The following GLI3 variants were observed in gnomAD, a reference collection of about 807,000 sequenced individuals.
GLI3 encodes the protein GLI family zinc finger 3, also known as transcription activator GLI3.
In GLI3, 20 loss-of-function variants were observed where a neutral mutation model predicts 100.8. The observed-to-expected ratio is 0.20, with a 90% CI of 0.14 to 0.29. GLI3 has a LOEUF of 0.29. GLI3 is among the 10% of genes least tolerant of loss of function. GLI3 has a pLI of 1.00. For synonymous variants in GLI3, 938 were observed against 860.5 expected, an observed-to-expected ratio of 1.09 and a Z score of -1.58; for missense variants, 2,040 against 2,128.5, an observed-to-expected ratio of 0.96 and a Z score of 0.82.
Position 42,134,344 on chromosome 7 carries a change from G to A in GLI3, c.367+13882C>T, listed in dbSNP as rs10274308. Among the ~76,000 whole-genome samples the A allele has an allele frequency of 3.7e-3, 562 of 152,158 alleles. 5 individuals carry two copies. Among genetic ancestry groups the A allele is most frequent in the African/African-American group, 0.013 (534 of 41,522 alleles). On this transcript the variant is annotated intron_variant, in intron 3 of 14. Coordinates refer to ENST00000395925, the MANE Select transcript of GLI3 (RefSeq NM_000168.6). Reference sequence around the variant, plus strand: ...TGTATGAGAAACATCTAGCGTTAACGACCAAAAGCTGAACGATTCATGTCC... The same window carrying A: ...TGTATGAGAAACATCTAGCGTTAACAACCAAAAGCTGAACGATTCATGTCC...
At chr7:42,062,678 A>G (rs566782240) in intron 4 of GLI3, among the ~76,000 whole-genome samples, 18 of 150,348 alleles carry the variant, frequency 1.2e-4, no homozygotes, top group African/African-American at 4.2e-4. Context: ...TTGCTTGGAT[A>G]AGAGAGAAGG....
intron 10 of GLI3, among the ~76,000 whole-genome samples, chr7:42,008,558 CT>C (rs1325663102): frequency 6.6e-6 from 1 of 152,180 alleles, no homozygotes; most frequent in African/African-American, 2.4e-5. Flanking sequence ...ATCCTCCAGC[CT>C]CAGCCTCCCA....
rs148096260 is a variant in GLI3 at position 42,223,552 on chromosome 7, C to T, written c.-42-257G>A. Among the ~76,000 whole-genome samples the T allele has an allele frequency of 4.1e-3, 628 of 152,274 alleles. 9 individuals are homozygous for T. Among genetic ancestry groups the T allele is most frequent in the African/African-American group, 0.015 (604 of 41,536 alleles). ...GTACTTTTCCCAAATCCCTACTGAG[C>T]GTTTGGTATCAAACGGTATAAAAAT... On this transcript the variant is annotated intron_variant, in intron 1 of 14. Coordinates refer to ENST00000395925, the MANE Select transcript of GLI3 (RefSeq NM_000168.6).
chr7:42,082,383 T>C (rs539755473), intron 3 of GLI3, among the ~76,000 whole-genome samples: 67 of 152,248 alleles, frequency 4.4e-4, no homozygotes, highest in African/African-American at 1.6e-3. Context: ...TTGCAATTCC[T>C]GCCTATGGAT....
chr7:41,993,713 C>G (rs1026314286), intron 10 of GLI3, among the ~76,000 whole-genome samples: 1 of 152,140 alleles, frequency 6.6e-6, no homozygotes, highest in Non-Finnish European at 1.5e-5. Context: ...TTGAAAACAA[C>G]AAGCTTTGGA....
At chr7:42,054,325 T>C (rs908971555) in intron 4 of GLI3, among the ~76,000 whole-genome samples, 4 of 152,174 alleles carry the variant, frequency 2.6e-5, no homozygotes, top group Non-Finnish European at 5.9e-5. Flanking sequence ...TCTTACTAGG[T>C]TACTAAAATG....
chr7:42,032,501 CTACTA>C (rs1048578425), intron 7 of GLI3, among the ~76,000 whole-genome samples: 2 of 152,030 alleles, frequency 1.3e-5, no homozygotes, highest in Admixed American at 1.3e-4. Context: ...TTTATTTACC[CTACTA>C]TACATATAGG....
chr7:42,151,690 T>A (rs1241717184), intron 2 of GLI3: 1 of 152,166 alleles, frequency 6.6e-6, no homozygotes. Context: ...TTCACTAAAA[T>A]CTTTCAGGAA....
At chr7:42,033,947 C>G (rs1789367179) in intron 7 of GLI3, among the ~76,000 whole-genome samples, 1 of 152,186 alleles carries the variant, frequency 6.6e-6, no homozygotes, top group African/African-American at 2.4e-5. Flanking sequence ...TACATTTAGG[C>G]ATATGCTCTC....
rs1358129244 is a variant in GLI3 at position 41,967,704 on chromosome 7, T to A, written c.2323A>T (p.Met775Leu). ...ARRNPAGTKW[M>L]EHVKLERLKQ... ...AGCCTTTCTAGTTTTACGTGCTCCA[T>A]CCATTTGGTCCCTGCCGGGTTTCTC... The change falls in exon 14 of 15, where the codon ATG (methionine) becomes TTG (leucine). Residue 775 changes from methionine to leucine, a missense_variant. Physicochemically the swap from Met to Leu is conservative, Grantham distance 15. Transcript: ENST00000395925. The A allele has an allele frequency of 6.2e-6, 10 of 1,614,054 alleles. No individual in the cohort carries two copies. Among genetic ancestry groups the A allele is most frequent in the African/African-American group, 1.3e-5 (1 of 74,930 alleles).
In GLI3 at chr7:42,045,445, A is replaced by T. The variant is rs1361452348; in HGVS notation, c.765T>A (p.Ile255=). ...CCGTGCCGGCGGTGGCAGCTGAGGG[A>T]ATAATGTCTGCATAGGGGCTGCGCT... is the stretch of plus-strand genomic sequence containing the variant. ...TGQRSPYADI[I]PSAATAGTGA... Residue 255 remains isoleucine (I), a synonymous_variant, in exon 6 of 15, where the codon ATT becomes ATA. Transcript: ENST00000395925. 1.2e-6 allele frequency: 2 copies of T among 1,613,850 alleles called. No homozygotes were observed. Among genetic ancestry groups the T allele is most frequent in the Admixed American group, 1.7e-5 (1 of 60,004 alleles).
At chr7:41,971,705 G>T (rs896072758) in intron 13 of GLI3, among the ~76,000 whole-genome samples, 1 of 151,996 alleles carries the variant, frequency 6.6e-6, no homozygotes, top group East Asian at 1.9e-4. Context: ...CAAAAAACAA[G>T]AACAAAAAAA....
Position 42,026,364 on chromosome 7 carries a change from C to G in GLI3, c.1077G>C (p.Met359Ile). 1 of 1,614,116 alleles carries G rather than the reference C, an allele frequency of 6.2e-7. No homozygotes were observed. The highest frequency in any genetic ancestry group is 8.5e-7 in the Non-Finnish European group (1 of 1,180,024). Residue 359 changes from methionine (M) to isoleucine (I), a missense_variant, in exon 8 of 15, where the codon ATG becomes ATC. This residue lies in a region of GLI3 where 603 missense variants were observed against 690.9 expected (regional missense o/e 0.87). Coordinates refer to ENST00000395925, the MANE Select transcript of GLI3 (RefSeq NM_000168.6). Reference protein sequence around the residue: ...TYSSAPVSLHMHQQILSRQQS... With the variant: ...TYSSAPVSLHIHQQILSRQQS... ...GTTGTCGGCTTAGGATCTGCTGATGCATGTGGAGAGAGACGGGCGCGGAAG... is the reference window on the plus strand; with the variant it reads ...GTTGTCGGCTTAGGATCTGCTGATGGATGTGGAGAGAGACGGGCGCGGAAG...
At chr7:42,160,605 G>GGTTTC (rs1787110439) in intron 2 of GLI3, among the ~76,000 whole-genome samples, 1 of 152,190 alleles carries the variant, frequency 6.6e-6, no homozygotes, top group Non-Finnish European at 1.5e-5. Context: ...AAGCATTTGG[G>GGTTTC]ATTCCAGATT....
chr7:42,154,256 C>T (rs949953826), intron 2 of GLI3, among the ~76,000 whole-genome samples: 3 of 152,234 alleles, frequency 2.0e-5, no homozygotes, highest in South Asian at 2.1e-4. Flanking sequence ...GTGGAGGACC[C>T]GCACAGGTGC....
At chr7:42,159,388 C>T (rs537210165) in intron 2 of GLI3, among the ~76,000 whole-genome samples, 1 of 152,084 alleles carries the variant, frequency 6.6e-6, no homozygotes, top group Non-Finnish European at 1.5e-5. Flanking sequence ...TTCATGCTGC[C>T]CAAGAGTATA....
At chr7:42,254,494 T>C (rs1259450064) in intron 1 of GLI3, among the ~76,000 whole-genome samples, 2 of 152,176 alleles carry the variant, frequency 1.3e-5, no homozygotes, top group East Asian at 1.9e-4. Context: ...TGGGAGAGCA[T>C]TTAAATGTGT....
At chr7:42,113,214 G>A (rs1785759224) in intron 3 of GLI3, among the ~76,000 whole-genome samples, 1 of 152,074 alleles carries the variant, frequency 6.6e-6, no homozygotes, top group African/African-American at 2.4e-5. Context: ...AGGGATGCTC[G>A]TATGATGTCT....
At chr7:42,140,022 T>C (rs1023764581) in intron 3 of GLI3, among the ~76,000 whole-genome samples, 2 of 152,334 alleles carry the variant, frequency 1.3e-5, no homozygotes, top group Admixed American at 1.3e-4. Context: ...CTCCTGAAAT[T>C]CACCCTCCAA....
Sources: gnomAD v4.1 joint callset for allele counts (sites outside exome capture counted in the v4.1 genomes callset) on GRCh38, gnomAD v4.1.1 for gene constraint, gnomAD v4.1.1 regional missense constraint, MANE v1.5 for transcripts, NCBI Gene and HGNC (gene_info 2026-07-23, HGNC 2026-07-21) for gene names.